Variants in TYW1B observed in about 807,000 individuals in gnomAD.
The protein encoded by TYW1B is tRNA-yW synthesizing protein 1 homolog B.
A neutral mutation model predicts 86.9 loss-of-function variants in TYW1B; 73 were observed. That is an observed-to-expected ratio of 0.84 (90% CI 0.70 to 1.02). TYW1B has a LOEUF of 1.02. Ranked by LOEUF, TYW1B falls within the 50% of genes least tolerant of loss-of-function variation. The probability of loss-of-function intolerance (pLI) is 0.00; values close to 1 mark genes in which losing one functional copy is unlikely to be tolerated. For missense variants in TYW1B, 637 were observed against 827.4 expected (o/e 0.77, Z 2.82); for synonymous variants, 248 against 292.8 (o/e 0.85, Z 1.56).
chr7:72,775,927 T>C (rs1333064140), intron 7 of TYW1B, among the ~76,000 whole-genome samples: 4 of 152,094 alleles, frequency 2.6e-5, no homozygotes, highest in Admixed American at 6.5e-5. Context: ...TTTGATTGAG[T>C]TAGATATAAA....
At chr7:72,650,466 C>T (rs1275581296) in intron 11 of TYW1B, among the ~76,000 whole-genome samples, 4 of 151,644 alleles carry the variant, frequency 2.6e-5, no homozygotes, top group South Asian at 2.1e-4. Flanking sequence ...ACCACACTTA[C>T]ACTAACATTA....
At position 72,599,466 on chromosome 7, in the gene TYW1B, T is replaced by A. The variant is rs536729776; in HGVS notation, c.1785+17206A>T. Among the ~76,000 whole-genome samples the A allele has an allele frequency of 2.0e-5, 3 of 152,250 alleles. No individual in the cohort carries two copies. In the South Asian group the frequency reaches 6.2e-4, roughly 32 times the overall value. On this transcript the variant is annotated intron_variant, in intron 13 of 13. Transcript: ENST00000620995. ...GGTGAGAAGCTAGATATTCCCCCAT[T>A]AAGATCTTAATAAGGCAAGGATGTC...
intron 11 of TYW1B, among the ~76,000 whole-genome samples, chr7:72,652,837 G>A (rs1347051786): frequency 2.6e-5 from 4 of 152,122 alleles, no homozygotes; most frequent in African/African-American, 2.4e-5. Context: ...GGGCAAATTC[G>A]GAAATATCTG....
intron 11 of TYW1B, among the ~76,000 whole-genome samples, chr7:72,680,842 G>A (rs183527778): frequency 5.4e-4 from 82 of 152,286 alleles, no homozygotes; most frequent in Middle Eastern, 3.4e-3. Flanking sequence ...CACAGAGACT[G>A]CAAATGAATT....
intron 7 of TYW1B, among the ~76,000 whole-genome samples, chr7:72,771,087 C>T (rs1320856375): frequency 6.6e-6 from 1 of 150,984 alleles, no homozygotes; most frequent in Admixed American, 6.6e-5. Context: ...CTCAGCCTCT[C>T]GAATAGCTGG....
intron 13 of TYW1B, among the ~76,000 whole-genome samples, chr7:72,606,610 C>CT (rs1206576591): frequency 2.0e-4 from 12 of 59,022 alleles, no homozygotes; most frequent in South Asian, 1.5e-3. Flanking sequence ...CAATAAGGCC[C>CT]CCCCCCCGCC....
intron 10 of TYW1B, among the ~76,000 whole-genome samples, chr7:72,711,470 A>ATTTTT (rs1786660933): frequency 2.2e-5 from 1 of 45,618 alleles, no homozygotes; most frequent in Non-Finnish European, 4.3e-5. Flanking sequence ...CTCCTCTTTA[A>ATTTTT]TTCTTTTTTT....
chr7:72,736,090 T>C (rs1787192852), intron 8 of TYW1B, among the ~76,000 whole-genome samples: 2 of 152,144 alleles, frequency 1.3e-5, no homozygotes, highest in African/African-American at 4.8e-5. Flanking sequence ...GAGAATACAC[T>C]GAACAAAGGA....
At chr7:72,643,256 T>C (rs1554441684) in intron 11 of TYW1B, among the ~76,000 whole-genome samples, 1 of 152,020 alleles carries the variant, frequency 6.6e-6, no homozygotes, top group Non-Finnish European at 1.5e-5. Flanking sequence ...AAAAATTACT[T>C]GTAAAAAAAT....
At chr7:72,738,650 G>A (rs532862613) in intron 8 of TYW1B, among the ~76,000 whole-genome samples, 103 of 152,170 alleles carry the variant, frequency 6.8e-4, no homozygotes, top group Admixed American at 2.0e-3. Flanking sequence ...ATCTCTGTGT[G>A]GGACAAGAAA....
intron 8 of TYW1B, among the ~76,000 whole-genome samples, chr7:72,733,505 C>CA (rs1787148956): frequency 1.3e-5 from 2 of 151,774 alleles, no homozygotes; most frequent in African/African-American, 4.8e-5. Context: ...TAAAAAAATA[C>CA]AAAAAATTAG....
intron 11 of TYW1B, among the ~76,000 whole-genome samples, chr7:72,641,737 T>A (rs1812804162): frequency 6.6e-6 from 1 of 152,168 alleles, no homozygotes; most frequent in Non-Finnish European, 1.5e-5. Flanking sequence ...AAGGTGATAA[T>A]TACACAAGAC....
chr7:72,758,319 A>G (rs6960833), intron 7 of TYW1B, among the ~76,000 whole-genome samples: 104,780 of 151,878 alleles, frequency 0.69, 37,121 homozygotes, highest in Non-Finnish European at 0.77. Context: ...CAAGTGCAGC[A>G]TAACAAGACC....
chr7:72,612,998 G>C lies in TYW1B; in HGVS notation c.1785+3674C>G, dbSNP rs535297172. ...ACTCCTGGGGTCAAGGGATCCACCT[G>C]CCTCGGTCTCCCAAAGTTCTAGGAT... On this transcript the variant is annotated intron_variant, in intron 13 of 13. Coordinates refer to ENST00000620995, the MANE Select transcript of TYW1B (RefSeq NM_001145440.3). 4.2e-3 allele frequency among the ~76,000 whole-genome samples: 638 copies of C among 152,140 alleles called. 2 individuals are homozygous for C. The highest frequency in any genetic ancestry group is 6.3e-3 in the Non-Finnish European group (425 of 67,994).
intron 8 of TYW1B, among the ~76,000 whole-genome samples, chr7:72,739,160 T>C (rs1318767131): frequency 1.3e-5 from 2 of 152,154 alleles, no homozygotes; most frequent in African/African-American, 2.4e-5. Flanking sequence ...TTGAAGTATG[T>C]ACAGATAAAA....
chr7:72,795,104 T>C (rs1157262144), intron 6 of TYW1B, among the ~76,000 whole-genome samples: 1 of 151,890 alleles, frequency 6.6e-6, no homozygotes, highest in Admixed American at 6.6e-5. Context: ...ACATGTGCAA[T>C]TCAGCATGCC....
At chr7:72,651,075 C>T (rs1813043607) in intron 11 of TYW1B, among the ~76,000 whole-genome samples, 1 of 152,146 alleles carries the variant, frequency 6.6e-6, no homozygotes, top group Non-Finnish European at 1.5e-5. Context: ...GTCTTTTATG[C>T]TAGAAAACAA....
At chr7:72,732,557 T>C (rs1200531052) in intron 8 of TYW1B, among the ~76,000 whole-genome samples, 1 of 152,074 alleles carries the variant, frequency 6.6e-6, no homozygotes, top group Non-Finnish European at 1.5e-5. Flanking sequence ...TTTAAATATG[T>C]ACTGAAACAA....
At chr7:72,731,672 G>A (rs1350849500) in intron 8 of TYW1B, among the ~76,000 whole-genome samples, 15 of 152,180 alleles carry the variant, frequency 9.9e-5, no homozygotes, top group African/African-American at 3.6e-4. Flanking sequence ...AGCTGGGTGT[G>A]GTGGCTCACA....
Sources: gnomAD v4.1 joint callset for allele counts (sites outside exome capture counted in the v4.1 genomes callset) on GRCh38, gnomAD v4.1.1 for gene constraint, MANE v1.5 for transcripts, NCBI Gene and HGNC (gene_info 2026-07-23, HGNC 2026-07-21) for gene names.